Variants in SUCLA2 observed in about 807,000 individuals in gnomAD.
SUCLA2 encodes succinate--CoA ligase [ADP-forming] subunit beta, mitochondrial.
A neutral mutation model predicts 54.8 loss-of-function variants in SUCLA2; 30 were observed. The ratio of observed to expected loss-of-function variants is 0.55; its 90% CI spans 0.41 to 0.74. The LOEUF is 0.74. Ranked by LOEUF, SUCLA2 falls within the 30% of genes least tolerant of loss-of-function variation. SUCLA2 has a pLI of 0.00. For missense variants in SUCLA2, 476 were observed against 562.9 expected (o/e 0.85, Z 1.56); for synonymous variants, 172 against 188.9 (o/e 0.91, Z 0.74).
At position 47,954,664 on chromosome 13, in the gene SUCLA2, G is replaced by C. The variant is rs1276032677; in HGVS notation, c.803-107C>G. ...TAGGGAAAAGACACATTTTAATTTTGTTACTTAATGAAAATATTTCAATTT... is the reference window on the plus strand; with the variant it reads ...TAGGGAAAAGACACATTTTAATTTTCTTACTTAATGAAAATATTTCAATTT... On this transcript the variant is annotated intron_variant, in intron 6 of 10. Coordinates refer to ENST00000646932, the MANE Select transcript of SUCLA2 (RefSeq NM_003850.3). 4 of 1,155,256 alleles carry C rather than the reference G, an allele frequency of 3.5e-6. No individual in the cohort carries two copies. The East Asian group carries it at 1.0e-4, about 29-fold the overall frequency. The allele number at this position is 1,155,256 out of a possible 1,614,324, so 71.6% of individuals were successfully genotyped here.
intron 10 of SUCLA2, among the ~76,000 whole-genome samples, chr13:47,946,592 T>TG (rs201297857): frequency 1.4e-5 from 2 of 146,212 alleles, no homozygotes; most frequent in Non-Finnish European, 3.0e-5. Flanking sequence ...TTTTTTTTTT[T>TG]TAAAAAAAGC....
rs370395001 is a variant in SUCLA2, at chr13:47,994,500, G to A, written c.271+2343C>T. 9.6e-4 allele frequency among the ~76,000 whole-genome samples: 144 copies of A among 150,524 alleles called. 3 individuals carry two copies. In the East Asian group the frequency reaches 0.024, roughly 25 times the overall value. ...GGAGAATTGCTTGAACCTGGGAGACGGAGGTTGCAGTGAGCCGAGATCGCG... is the reference window on the plus strand; with the variant it reads ...GGAGAATTGCTTGAACCTGGGAGACAGAGGTTGCAGTGAGCCGAGATCGCG... On this transcript the variant is annotated intron_variant, in intron 2 of 10. Coordinates refer to ENST00000646932, the MANE Select transcript of SUCLA2 (RefSeq NM_003850.3).
At chr13:47,956,882 T>C (rs1949825697) in intron 6 of SUCLA2, 1 of 152,202 alleles carries the variant, frequency 6.6e-6, no homozygotes, top group Non-Finnish European at 1.5e-5. Context: ...TCTTCATCTA[T>C]GGGTAGGAAA....
At chr13:47,994,768 G>T in intron 2 of SUCLA2, 1 of 929,608 alleles carries the variant, frequency 1.1e-6, no homozygotes, top group Non-Finnish European at 1.3e-6. Context: ...CAAGGTATCT[G>T]TTCCAAGGGG....
At chr13:47,965,513 A>C in intron 6 of SUCLA2, 1 of 387,578 alleles carries the variant, frequency 2.6e-6, no homozygotes, top group South Asian at 1.3e-4. Context: ...AAAAACAAAC[A>C]AACAAAAAAA....
rs760142926 is a variant in SUCLA2, at chr13:47,954,573, G to A, written c.803-16C>T. On this transcript the variant is annotated splice_polypyrimidine_tract_variant and intron_variant, in intron 6 of 10. Coordinates refer to ENST00000646932, the MANE Select transcript of SUCLA2 (RefSeq NM_003850.3). Reference sequence around the variant, plus strand: ...ATACACAATACTTTGAAGGGAAAAAGAGAAAAATGACCTTAATTTCAAGAC... The same window carrying A: ...ATACACAATACTTTGAAGGGAAAAAAAGAAAAATGACCTTAATTTCAAGAC... The A allele has an allele frequency of 1.9e-6, 3 of 1,612,026 alleles. No individual in the cohort carries two copies. Among genetic ancestry groups the A allele is most frequent in the Non-Finnish European group, 2.5e-6 (3 of 1,178,626 alleles).
chr13:47,963,305 C>T (rs976220277), intron 6 of SUCLA2, among the ~76,000 whole-genome samples: 8 of 152,174 alleles, frequency 5.3e-5, no homozygotes, highest in Admixed American at 5.2e-4. Flanking sequence ...TTGAAGAACT[C>T]AAGTGGAATT....
At chr13:47,984,046 C>A (rs767010708) in intron 4 of SUCLA2, among the ~76,000 whole-genome samples, 4 of 152,134 alleles carry the variant, frequency 2.6e-5, no homozygotes, top group African/African-American at 4.8e-5. Context: ...GACTATAGTT[C>A]CACATTTAGT....
chr13:47,997,117 C>A lies in SUCLA2; in HGVS notation c.91-94G>T, dbSNP rs1446936850. 4.6e-6 allele frequency: 6 copies of A among 1,300,404 alleles called. No individual in the cohort carries two copies. In the East Asian group the frequency reaches 1.4e-4, roughly 30 times the overall value. The allele number at this position is 1,300,404 out of a possible 1,614,324, so 80.6% of individuals were successfully genotyped here. A position where few individuals can be genotyped will look rare whatever the true frequency, so the allele number is the denominator to read the frequency against. On this transcript the variant is annotated intron_variant, in intron 1 of 10. Transcript: ENST00000646932. ...CTTCATAACTATAACAAAACTGTTACATTACATTAGCAAAGTACAATATTC... is the reference window on the plus strand; with the variant it reads ...CTTCATAACTATAACAAAACTGTTAAATTACATTAGCAAAGTACAATATTC...
chr13:47,993,891 C>T (rs548465852), intron 2 of SUCLA2, among the ~76,000 whole-genome samples: 12 of 151,648 alleles, frequency 7.9e-5, no homozygotes, highest in East Asian at 2.0e-4. Flanking sequence ...CAAAATTAGC[C>T]GGGGTGGTGG....
intron 1 of SUCLA2, 178 bp downstream of exon 1, chr13:48,001,002 A>C: frequency 8.3e-6 from 12 of 1,453,506 alleles, no homozygotes; most frequent in Non-Finnish European, 1.1e-5. Context: ...CCGCGCAAAC[A>C]TGGGCTCGCT....
At chr13:47,996,581 T>C (rs548281121) in intron 2 of SUCLA2, among the ~76,000 whole-genome samples, 2 of 152,070 alleles carry the variant, frequency 1.3e-5, no homozygotes, top group South Asian at 4.1e-4. Context: ...CCCATAATTA[T>C]ATTCCAACTA....
chr13:47,999,236 G>T (rs779709175), intron 1 of SUCLA2, among the ~76,000 whole-genome samples: 3 of 152,138 alleles, frequency 2.0e-5, no homozygotes, highest in African/African-American at 4.8e-5. Flanking sequence ...AGAAAAATCT[G>T]AATCTAAACT....
intron 9 of SUCLA2, 127 bp downstream of exon 9, chr13:47,949,356 A>T: frequency 1.7e-6 from 2 of 1,155,262 alleles, no homozygotes; most frequent in Non-Finnish European, 2.5e-6. Flanking sequence ...CTATAGTTTT[A>T]ATTTCATATT....
chr13:47,974,802 G>C (rs1028880927), intron 4 of SUCLA2, among the ~76,000 whole-genome samples: 1 of 152,054 alleles, frequency 6.6e-6, no homozygotes, highest in African/African-American at 2.4e-5. Flanking sequence ...ATGAAAAAAA[G>C]AGAAATAGTA....
chr13:47,989,571 A>G (rs892865038), intron 2 of SUCLA2, among the ~76,000 whole-genome samples: 10 of 152,142 alleles, frequency 6.6e-5, no homozygotes, highest in African/African-American at 2.2e-4. Flanking sequence ...ACTGAAAATA[A>G]TTTAACCATT....
At chr13:47,972,708 T>C (rs1949977666) in intron 5 of SUCLA2, among the ~76,000 whole-genome samples, 1 of 149,798 alleles carries the variant, frequency 6.7e-6, no homozygotes, top group African/African-American at 2.4e-5. Context: ...GAAAAGAAAT[T>C]ATTGTTAATT....
At chr13:47,992,989 G>A (rs189269830) in intron 2 of SUCLA2, among the ~76,000 whole-genome samples, 5 of 152,306 alleles carry the variant, frequency 3.3e-5, no homozygotes, top group East Asian at 1.9e-4. Context: ...CAGCACTTTG[G>A]GAAGCCAAGG....
chr13:47,954,308 A>G (rs758045265), intron 7 of SUCLA2, 26 bp from the exon 8 acceptor site: 3 of 1,613,748 alleles, frequency 1.9e-6, no homozygotes, highest in South Asian at 1.1e-5. Context: ...TGATTTGTAT[A>G]AGCAACAAAC....
Sources: allele counts gnomAD v4.1 joint callset (sites outside exome capture counted in the v4.1 genomes callset), GRCh38; gene constraint gnomAD v4.1.1; transcripts MANE v1.5; gene names NCBI Gene and HGNC (gene_info 2026-07-23, HGNC 2026-07-21).